ENDOD1: variants seen among roughly 807,000 people sequenced by gnomAD.
ENDOD1 encodes endonuclease domain containing 1, also known as endonuclease domain-containing 1 protein.
Under a neutral mutation model 6.5 loss-of-function variants are expected in ENDOD1, and 9 were observed. The observed-to-expected ratio is 1.39, with a 90% CI of 0.84 to 2.43. The LOEUF (loss-of-function observed/expected upper bound fraction) is 2.43, where lower values mean the gene tolerates loss of function less well. Ranked by LOEUF, ENDOD1 falls within the 30% of genes most tolerant of loss-of-function variation. The pLI, the probability that ENDOD1 is intolerant of heterozygous loss-of-function variation, is 0.00. For synonymous variants in ENDOD1, 255 were observed against 255.2 expected (o/e 1.00, Z 0.01); for missense variants, 648 against 635.5 (o/e 1.02, Z -0.21).
chr11:95,098,042 A>C (rs1859003272), intron 1 of ENDOD1, among the ~76,000 whole-genome samples: 1 of 152,152 alleles, frequency 6.6e-6, no homozygotes, highest in African/African-American at 2.4e-5. Flanking sequence ...CAAATCTGGA[A>C]ATCTGAAATC....
chr11:95,131,147 A>C lies in ENDOD1; in HGVS notation c.*1568A>C, dbSNP rs886917288. ...GTAGAACAGCAGCCAGCAAGCTGCC[A>C]TCCTGATCAATTTGTGATGCAAGGT... On this transcript the variant is annotated 3_prime_UTR_variant, in exon 2 of 2. Coordinates refer to ENST00000278505, the MANE Select transcript of ENDOD1 (RefSeq NM_015036.3). The C allele has an allele frequency of 6.6e-6, 1 of 152,264 alleles. No homozygotes were observed. The highest frequency in any genetic ancestry group is 2.4e-5 in the African/African-American group (1 of 41,478). 9.4% of individuals were successfully genotyped at this position (152,264 alleles called of 1,614,324 possible). A position where few individuals can be genotyped will look rare whatever the true frequency, so the allele number is the denominator to read the frequency against.
intron 1 of ENDOD1, among the ~76,000 whole-genome samples, chr11:95,117,746 A>T (rs539199555): frequency 6.6e-6 from 1 of 152,136 alleles, no homozygotes; most frequent in South Asian, 2.1e-4. Flanking sequence ...TGGAGAGTTT[A>T]GTCCATTTAC....
At chr11:95,127,545 A>G (rs1265962720) in intron 1 of ENDOD1, among the ~76,000 whole-genome samples, 1 of 152,190 alleles carries the variant, frequency 6.6e-6, no homozygotes, top group Non-Finnish European at 1.5e-5. Flanking sequence ...CGCTGATTAG[A>G]GTTGGTTATT....
intron 1 of ENDOD1, among the ~76,000 whole-genome samples, chr11:95,103,423 T>C (rs1859060797): frequency 6.6e-6 from 1 of 152,182 alleles, no homozygotes; most frequent in South Asian, 2.1e-4. Flanking sequence ...ATTTCATCAG[T>C]GTTGTCATTT....
chr11:95,090,287 C>T (rs1024089325), intron 1 of ENDOD1, 60 bp downstream of exon 1: 4 of 1,347,876 alleles, frequency 3.0e-6, no homozygotes, highest in Middle Eastern at 2.8e-4. Flanking sequence ...GCTGGACATG[C>T]CCCCAGTTGC....
At chr11:95,093,087 T>G (rs1858946588) in intron 1 of ENDOD1, among the ~76,000 whole-genome samples, 1 of 152,168 alleles carries the variant, frequency 6.6e-6, no homozygotes, top group African/African-American at 2.4e-5. Context: ...ATCTCCTAAG[T>G]CAAAGATCAC....
chr11:95,123,072 C>T (rs977691411), intron 1 of ENDOD1, among the ~76,000 whole-genome samples: 1 of 151,940 alleles, frequency 6.6e-6, no homozygotes, highest in Non-Finnish European at 1.5e-5. Context: ...GCCTGTATTC[C>T]CAGCTACTCC....
chr11:95,111,580 A>G (rs529648093), intron 1 of ENDOD1, among the ~76,000 whole-genome samples: 22 of 152,064 alleles, frequency 1.4e-4, no homozygotes, highest in African/African-American at 5.1e-4. Context: ...TCTCATAACG[A>G]GCACACAACC....
rs1208344188 is a variant in ENDOD1 at position 95,132,282 on chromosome 11, A to G, written c.*2703A>G. On this transcript the variant is annotated 3_prime_UTR_variant, in exon 2 of 2. Coordinates refer to ENST00000278505, the MANE Select transcript of ENDOD1 (RefSeq NM_015036.3). ...AGCATCAGCACTTCGATCTAAATGC[A>G]GACTAGGTAGTTGGGAGGAGGAACC... 2 of 152,668 alleles carry G rather than the reference A, an allele frequency of 1.3e-5. No individual in the cohort carries two copies. Among genetic ancestry groups the G allele is most frequent in the African/African-American group, 2.4e-5 (1 of 41,468 alleles). 9.5% of individuals were successfully genotyped at this position (152,668 alleles called of 1,614,324 possible).
chr11:95,097,009 C>T (rs782693837), intron 1 of ENDOD1, among the ~76,000 whole-genome samples: 9 of 152,084 alleles, frequency 5.9e-5, no homozygotes, highest in South Asian at 2.1e-4. Context: ...CAAAAATTAG[C>T]GAGGAGTGCT....
chr11:95,096,227 C>CTTGTTT (rs1858982359), intron 1 of ENDOD1, among the ~76,000 whole-genome samples: 1 of 49,964 alleles, frequency 2.0e-5, no homozygotes, highest in African/African-American at 8.3e-5. Context: ...GTCAAGAAAG[C>CTTGTTT]TTTTTTTTTT....
At chr11:95,112,819 T>C (rs1412162312) in intron 1 of ENDOD1, among the ~76,000 whole-genome samples, 3 of 152,250 alleles carry the variant, frequency 2.0e-5, no homozygotes, top group Admixed American at 6.5e-5. Context: ...GATTATGCTG[T>C]TGCTTTTCTT....
Position 95,130,498 on chromosome 11 carries a change from A to G in ENDOD1, c.*919A>G, listed in dbSNP as rs966028819. 1 of 152,180 alleles carries G rather than the reference A, an allele frequency of 6.6e-6. No individual in the cohort carries two copies. The highest frequency in any genetic ancestry group is 1.5e-5 in the Non-Finnish European group (1 of 68,028). 9.4% of individuals were successfully genotyped at this position (152,180 alleles called of 1,614,324 possible). ...CTGACAAGGTTGAACTGAAAGATCT[A>G]TATGTTAAGCTAACATGAAAATTCA... On this transcript the variant is annotated 3_prime_UTR_variant, in exon 2 of 2. Coordinates refer to ENST00000278505, the MANE Select transcript of ENDOD1 (RefSeq NM_015036.3).
Position 95,128,864 on chromosome 11 carries a change from A to C in ENDOD1, c.788A>C (p.Gln263Pro). The change falls in exon 2 of 2, where the codon CAG (glutamine) becomes CCG (proline). Residue 263 changes from glutamine to proline, a missense_variant. Physicochemically the swap from Gln to Pro is moderately conservative, Grantham distance 76. Coordinates refer to ENST00000278505, the MANE Select transcript of ENDOD1 (RefSeq NM_015036.3). ...CAGAAACTGCTTCCATTTAACCCTC[A>C]GCTGTTTCAGAACAACTGTGGTGAA... ...DLQKLLPFNPQLFQNNCGETE... is the reference protein window; with the variant it reads ...DLQKLLPFNPPLFQNNCGETE... 6.2e-7 allele frequency: 1 copy of C among 1,614,180 alleles called. No individual in the cohort carries two copies. Among genetic ancestry groups the C allele is most frequent in the Non-Finnish European group, 8.5e-7 (1 of 1,180,022 alleles).
chr11:95,122,355 TGG>T (rs1360762461), intron 1 of ENDOD1, among the ~76,000 whole-genome samples: 4 of 151,648 alleles, frequency 2.6e-5, no homozygotes, highest in African/African-American at 9.7e-5. Context: ...CCCAAGTACC[TGG>T]GACTACAGGC....
At position 95,122,601 on chromosome 11, in the gene ENDOD1, C is replaced by G. The variant is rs192415560; in HGVS notation, c.301-5776C>G. On this transcript the variant is annotated intron_variant, in intron 1 of 1. Coordinates refer to ENST00000278505, the MANE Select transcript of ENDOD1 (RefSeq NM_015036.3). Reference sequence around the variant, plus strand: ...TGGGCATTTAAGTTACACACACACACACACACACACACACACACACACAGA... The same window carrying G: ...TGGGCATTTAAGTTACACACACACAGACACACACACACACACACACACAGA... Among the ~76,000 whole-genome samples, 1,150 of 150,280 alleles carry G rather than the reference C, an allele frequency of 7.7e-3. 11 individuals carry two copies. The highest frequency in any genetic ancestry group is 0.026 in the African/African-American group (1,065 of 41,206).
chr11:95,090,234 GA>G lies in ENDOD1; in HGVS notation c.300+9del. 2 of 1,368,524 alleles carry G rather than the reference GA, an allele frequency of 1.5e-6. No homozygotes were observed. Among genetic ancestry groups the G allele is most frequent in the South Asian group, 3.4e-5 (2 of 59,430 alleles). 84.8% of individuals were successfully genotyped at this position (1,368,524 alleles called of 1,614,324 possible). A position where few individuals can be genotyped will look rare whatever the true frequency, so the allele number is the denominator to read the frequency against. On this transcript the variant is annotated splice_region_variant and intron_variant, in intron 1 of 1. Transcript: ENST00000278505. The stretch of plus-strand genomic sequence containing the variant: ...ATGGCTGGTGGAGCCGCAGGTAAGC[GA>G]AGTGGTTCCCGAGCCGGGCTGCGGG...
At chr11:95,113,316 A>G (rs1282366176) in intron 1 of ENDOD1, among the ~76,000 whole-genome samples, 2 of 152,140 alleles carry the variant, frequency 1.3e-5, no homozygotes, top group Non-Finnish European at 2.9e-5. Context: ...CTATTGTGCT[A>G]TCAAATACTG....
chr11:95,102,849 C>G (rs1445446129), intron 1 of ENDOD1, among the ~76,000 whole-genome samples: 3 of 152,082 alleles, frequency 2.0e-5, no homozygotes. Context: ...TGCCAGTTGG[C>G]TTTGGAGAAA....
Sources: gnomAD v4.1 joint callset for allele counts (sites outside exome capture counted in the v4.1 genomes callset) on GRCh38, gnomAD v4.1.1 for gene constraint, MANE v1.5 for transcripts, NCBI Gene and HGNC (gene_info 2026-07-23, HGNC 2026-07-21) for gene names.